The following PIWIL4 variants were observed in gnomAD, a reference collection of about 807,000 sequenced individuals.
The protein encoded by PIWIL4 is piwi like RNA-mediated gene silencing 4.
Under a neutral mutation model 100.9 loss-of-function variants are expected in PIWIL4, and 50 were observed. The ratio of observed to expected loss-of-function variants is 0.50; its 90% CI spans 0.39 to 0.63. The LOEUF (loss-of-function observed/expected upper bound fraction) is 0.63, where lower values mean the gene tolerates loss of function less well. Among genes scored for constraint, PIWIL4 ranks in the 20% least tolerant of loss-of-function variants. The probability of loss-of-function intolerance (pLI) is 0.00; values close to 1 mark genes in which losing one functional copy is unlikely to be tolerated. For synonymous variants in PIWIL4, 342 were observed against 367.5 expected (o/e 0.93, Z 0.79); for missense variants, 887 against 1,043.3 (o/e 0.85, Z 2.06).
chr11:94,576,470 G>A (rs1049959554), intron 3 of PIWIL4, among the ~76,000 whole-genome samples: 3 of 152,188 alleles, frequency 2.0e-5, no homozygotes, highest in South Asian at 2.1e-4. Flanking sequence ...AAAACTGGAT[G>A]ATTCTCTGTA....
chr11:94,615,711 C>G (rs1390033286), intron 15 of PIWIL4, among the ~76,000 whole-genome samples: 1 of 152,146 alleles, frequency 6.6e-6, no homozygotes, highest in Non-Finnish European at 1.5e-5. Context: ...AGTGATAGCA[C>G]AATACAGCCT....
chr11:94,588,028 G>T (rs1327540812), intron 7 of PIWIL4, among the ~76,000 whole-genome samples: 3 of 152,144 alleles, frequency 2.0e-5, no homozygotes, highest in Non-Finnish European at 4.4e-5. Context: ...AGTGTGCCAT[G>T]GTGGTTTGCT....
chr11:94,611,213 C>A (rs559014619), intron 15 of PIWIL4, among the ~76,000 whole-genome samples: 1 of 152,280 alleles, frequency 6.6e-6, no homozygotes, highest in East Asian at 1.9e-4. Context: ...TGTGATGCAT[C>A]TAGCTATTGA....
intron 4 of PIWIL4, among the ~76,000 whole-genome samples, chr11:94,579,039 G>C (rs184812622): frequency 6.6e-5 from 10 of 152,286 alleles, no homozygotes; most frequent in South Asian, 2.1e-4. Flanking sequence ...AAGTGTCCTT[G>C]AAATTGGCAC....
intron 2 of PIWIL4, among the ~76,000 whole-genome samples, chr11:94,574,471 A>G (rs1948209092): frequency 6.6e-6 from 1 of 152,300 alleles, no homozygotes; most frequent in Non-Finnish European, 1.5e-5. Flanking sequence ...GTGAAAGTCT[A>G]CAATATTACA....
At chr11:94,591,934 T>G (rs1387462411) in intron 8 of PIWIL4, among the ~76,000 whole-genome samples, 1 of 152,202 alleles carries the variant, frequency 6.6e-6, no homozygotes, top group African/African-American at 2.4e-5. Flanking sequence ...GAGAGCAGGT[T>G]AGGGGCTAGA....
intron 15 of PIWIL4, among the ~76,000 whole-genome samples, chr11:94,615,178 C>A (rs1948832228): frequency 6.6e-6 from 1 of 152,166 alleles, no homozygotes; most frequent in Non-Finnish European, 1.5e-5. Flanking sequence ...CTCTCCTAAC[C>A]TCCCAGCTGT....
chr11:94,575,596 C>T (rs1027440052), intron 3 of PIWIL4, among the ~76,000 whole-genome samples: 2 of 152,120 alleles, frequency 1.3e-5, no homozygotes, highest in Non-Finnish European at 2.9e-5. Context: ...GGCCACCTCA[C>T]GAAAGTTAAA....
intron 2 of PIWIL4, among the ~76,000 whole-genome samples, chr11:94,571,104 A>G (rs12295797): frequency 0.098 from 14,856 of 151,962 alleles, 873 homozygotes; most frequent in South Asian, 0.19. Context: ...AGTCCTGTGT[A>G]TGTACCCCTG....
chr11:94,599,793 C>A (rs2135280113), intron 11 of PIWIL4, among the ~76,000 whole-genome samples: 1 of 152,330 alleles, frequency 6.6e-6, no homozygotes, highest in East Asian at 1.9e-4. Context: ...GGTTTCATAA[C>A]CTCTCAGTCA....
chr11:94,593,103 C>T (rs1948508527), intron 8 of PIWIL4, among the ~76,000 whole-genome samples: 1 of 152,098 alleles, frequency 6.6e-6, no homozygotes, highest in Non-Finnish European at 1.5e-5. Context: ...TCGCCTCCAG[C>T]TTGTGTATAG....
Position 94,567,416 on chromosome 11 carries a change from C to G in PIWIL4, c.-103C>G. The stretch of plus-strand genomic sequence containing the variant: ...TGTGGATGCTGGACATCCACCGCCT[C>G]CAGGCAGTTTCGCCGTCACACCGTC... On this transcript the variant is annotated 5_prime_UTR_variant, in exon 1 of 20. Coordinates refer to ENST00000299001, the MANE Select transcript of PIWIL4 (RefSeq NM_152431.3). The G allele has an allele frequency of 9.3e-7, 1 of 1,079,176 alleles. No homozygotes were observed. The highest frequency in any genetic ancestry group is 2.8e-5 in the East Asian group (1 of 36,330). 66.9% of individuals were successfully genotyped at this position (1,079,176 alleles called of 1,614,324 possible).
chr11:94,616,490 TAGGTGG>T lies in PIWIL4; in HGVS notation c.1944-2_1947del. 6.3e-7 allele frequency: 1 copy of T among 1,592,418 alleles called. No homozygotes were observed. Among genetic ancestry groups the T allele is most frequent in the Non-Finnish European group, 8.5e-7 (1 of 1,172,460 alleles). ...TTACTTTTATTTTTTTTTTTAACTT[TAGGTGG>T]TTTTCCCGCTGTATCCTTCAGAGAA... On this transcript the variant is annotated splice_acceptor_variant and coding_sequence_variant, in exon 16 of 20. Coordinates refer to ENST00000299001, the MANE Select transcript of PIWIL4 (RefSeq NM_152431.3). LOFTEE classifies it high-confidence loss of function.
intron 8 of PIWIL4, 116 bp downstream of exon 8, chr11:94,589,348 C>A: frequency 1.3e-6 from 1 of 788,676 alleles, no homozygotes; most frequent in Non-Finnish European, 2.0e-6. Flanking sequence ...CGACCTGATT[C>A]TCTGACTTGT....
In PIWIL4 at chr11:94,577,439, G is replaced by A; in HGVS notation, c.460G>A (p.Ala154Thr). 3.1e-6 allele frequency: 5 copies of A among 1,613,920 alleles called. No individual in the cohort carries two copies. Among genetic ancestry groups the A allele is most frequent in the Non-Finnish European group, 4.2e-6 (5 of 1,179,954 alleles). ...LYSHSELSNKAKAFDGAILFL... is the reference protein window; with the variant it reads ...LYSHSELSNKTKAFDGAILFL... ...TAGTCATAGTGAACTTTCCAACAAA[G>A]CAAAAGCATTCGACGGTGCCATCCT... The change falls in exon 4 of 20, where the codon GCA (alanine) becomes ACA (threonine). Residue 154 changes from alanine (A) to threonine (T), a missense_variant. Physicochemically the swap from Ala to Thr is moderately conservative, Grantham distance 58. This residue lies in a region of PIWIL4 where 741 missense variants were observed against 930.0 expected (regional missense o/e 0.80). Transcript: ENST00000299001.
At chr11:94,609,369 T>C (rs978118986) in intron 15 of PIWIL4, among the ~76,000 whole-genome samples, 1 of 152,202 alleles carries the variant, frequency 6.6e-6, no homozygotes, top group African/African-American at 2.4e-5. Context: ...CTATGGGTCT[T>C]AGAATTGTTT....
Position 94,620,131 on chromosome 11 carries a change from A to G in PIWIL4, c.2429A>G (p.Tyr810Cys). ...QRLTFKLCHL[Y>C]YNWPGIVSVP... ...CTTACATTCAAATTGTGCCACCTGT[A>G]CTACAACTGGCCGGTGAGTGAAAGC... The change falls in exon 19 of 20, where the codon TAC becomes TGC. Residue 810 changes from tyrosine to cysteine, a missense_variant. Tyr to Cys is a radical substitution (Grantham distance 194, BLOSUM62 -2). This residue lies in a region of PIWIL4 where 741 missense variants were observed against 930.0 expected (regional missense o/e 0.80). Coordinates refer to ENST00000299001, the MANE Select transcript of PIWIL4 (RefSeq NM_152431.3). 6.3e-7 allele frequency: 1 copy of G among 1,597,340 alleles called. No individual in the cohort carries two copies. Among genetic ancestry groups the G allele is most frequent in the Non-Finnish European group, 8.5e-7 (1 of 1,171,702 alleles).
At chr11:94,596,241 A>G (rs957139277) in intron 10 of PIWIL4, among the ~76,000 whole-genome samples, 1 of 150,400 alleles carries the variant, frequency 6.6e-6, no homozygotes, top group Non-Finnish European at 1.5e-5. Flanking sequence ...TATATTGTTG[A>G]TCAACAGTCT....
At chr11:94,619,730 C>A in intron 17 of PIWIL4, 30 bp from the exon 18 acceptor site, 2 of 1,597,498 alleles carry the variant, frequency 1.3e-6, no homozygotes, top group Non-Finnish European at 1.7e-6. Context: ...GGATTGAGTT[C>A]TTTTCATATT....
Sources: allele counts gnomAD v4.1 joint callset (sites outside exome capture counted in the v4.1 genomes callset), GRCh38; gene constraint gnomAD v4.1.1; regional missense constraint gnomAD v4.1.1; transcripts MANE v1.5; gene names NCBI Gene and HGNC (gene_info 2026-07-23, HGNC 2026-07-21).